ROBO2: variants seen among roughly 807,000 people sequenced by gnomAD.
ROBO2 encodes the protein roundabout guidance receptor 2.
A neutral mutation model predicts 160.8 loss-of-function variants in ROBO2; 53 were observed. The observed-to-expected ratio is 0.33, with a 90% CI of 0.26 to 0.41. The LOEUF is 0.41. Among genes scored for constraint, ROBO2 ranks in the 10% least tolerant of loss-of-function variants. The pLI is 1.00. For synonymous variants in ROBO2, 664 were observed against 611.7 expected, an observed-to-expected ratio of 1.09 and a Z score of -1.26; for missense variants, 1,577 against 1,722.4, an observed-to-expected ratio of 0.92 and a Z score of 1.49.
chr3:76,785,883 T>C (rs532011087), intron 2 of ROBO2, among the ~76,000 whole-genome samples: 1 of 151,446 alleles, frequency 6.6e-6, no homozygotes, highest in African/African-American at 2.4e-5. Flanking sequence ...CTGCTACAAT[T>C]GTTTCAAAAA....
chr3:76,061,564 G>GA (rs2068070543), intron 2 of ROBO2, among the ~76,000 whole-genome samples: 1 of 151,938 alleles, frequency 6.6e-6, no homozygotes, highest in South Asian at 2.1e-4. Context: ...TGAAATTTGT[G>GA]AAAAAAACAT....
At chr3:76,622,435 A>G (rs1473380476) in intron 2 of ROBO2, among the ~76,000 whole-genome samples, 2 of 152,140 alleles carry the variant, frequency 1.3e-5, no homozygotes, top group Non-Finnish European at 2.9e-5. Flanking sequence ...ACTGCCCTCC[A>G]GCTGGAGCAA....
At chr3:77,119,579 C>T (rs113259631) in intron 2 of ROBO2, among the ~76,000 whole-genome samples, 12 of 152,068 alleles carry the variant, frequency 7.9e-5, no homozygotes, top group Non-Finnish European at 1.3e-4. Flanking sequence ...TAAAGAAGCA[C>T]GGAAGTAAAA....
At chr3:76,696,163 A>G (rs905722549) in intron 2 of ROBO2, among the ~76,000 whole-genome samples, 1 of 152,128 alleles carries the variant, frequency 6.6e-6, no homozygotes, top group Non-Finnish European at 1.5e-5. Context: ...GAAAGTCGTA[A>G]CGAGTCTAGC....
intron 2 of ROBO2, among the ~76,000 whole-genome samples, chr3:76,665,957 T>G: frequency 7.1e-6 from 1 of 141,802 alleles, no homozygotes; most frequent in East Asian, 2.0e-4. Flanking sequence ...ATATATAATA[T>G]ATACATATAA....
intron 2 of ROBO2, among the ~76,000 whole-genome samples, chr3:77,382,100 A>G (rs929986261): frequency 6.6e-6 from 1 of 152,208 alleles, no homozygotes; most frequent in African/African-American, 2.4e-5. Context: ...CCAACAAAGG[A>G]ACACATGAAA....
chr3:76,654,372 C>T (rs1329035824), intron 2 of ROBO2, among the ~76,000 whole-genome samples: 1 of 152,084 alleles, frequency 6.6e-6, no homozygotes, highest in Non-Finnish European at 1.5e-5. Flanking sequence ...TGAAAAAAAC[C>T]TTCTGCATTT....
chr3:76,008,031 C>T (rs2066075071), intron 2 of ROBO2, among the ~76,000 whole-genome samples: 2 of 151,806 alleles, frequency 1.3e-5, no homozygotes, highest in South Asian at 4.1e-4. Context: ...GTCAGGAGTT[C>T]AAGACCAGCC....
chr3:76,843,662 A>G (rs1213705184), intron 2 of ROBO2, among the ~76,000 whole-genome samples: 1 of 152,054 alleles, frequency 6.6e-6, no homozygotes, highest in Non-Finnish European at 1.5e-5. Context: ...TGCTACTCAG[A>G]GTAGAATGGA....
intron 2 of ROBO2, among the ~76,000 whole-genome samples, chr3:76,493,337 T>TGA (rs2079939030): frequency 9.5e-6 from 1 of 104,830 alleles, no homozygotes; most frequent in South Asian, 3.0e-4. Context: ...AGACAAAAAA[T>TGA]TATATATATA....
At chr3:76,681,292 C>A (rs2092555622) in intron 2 of ROBO2, among the ~76,000 whole-genome samples, 1 of 152,068 alleles carries the variant, frequency 6.6e-6, no homozygotes, top group Non-Finnish European at 1.5e-5. Context: ...ATAATTTGAC[C>A]ATGTTGATGA....
intron 2 of ROBO2, among the ~76,000 whole-genome samples, chr3:76,118,413 C>T (rs760235409): frequency 1.3e-5 from 2 of 152,106 alleles, no homozygotes; most frequent in Non-Finnish European, 2.9e-5. Flanking sequence ...AAGCATTATC[C>T]TCATATTATT....
At chr3:77,410,684 CTCT>C (rs2076694589) in intron 2 of ROBO2, among the ~76,000 whole-genome samples, 4 of 136,864 alleles carry the variant, frequency 2.9e-5, no homozygotes, top group African/African-American at 5.6e-5. Flanking sequence ...CCTCCTCCTC[CTCT>C]TCCTCCTCCT....
chr3:77,073,860 AT>A (rs1445861042), intron 1 of ROBO2, among the ~76,000 whole-genome samples: 2 of 152,170 alleles, frequency 1.3e-5, no homozygotes, highest in Non-Finnish European at 2.9e-5. Flanking sequence ...TGAACGTGGA[AT>A]TATGCAGAGT....
intron 2 of ROBO2, among the ~76,000 whole-genome samples, chr3:77,422,318 T>A (rs2077786065): frequency 6.6e-6 from 1 of 152,198 alleles, no homozygotes; most frequent in South Asian, 2.1e-4. Flanking sequence ...CAGGGAATCT[T>A]GCTTAGAAAT....
At chr3:76,632,003 A>G (rs566913365) in intron 2 of ROBO2, among the ~76,000 whole-genome samples, 1 of 152,352 alleles carries the variant, frequency 6.6e-6, no homozygotes, top group South Asian at 2.1e-4. Context: ...ACTACTGAAT[A>G]AAAGTCTGTT....
intron 2 of ROBO2, among the ~76,000 whole-genome samples, chr3:77,266,944 C>G (rs991067179): frequency 6.6e-5 from 10 of 152,016 alleles, no homozygotes; most frequent in African/African-American, 2.4e-4. Context: ...TTCCATTATC[C>G]AATTACATAG....
chr3:77,115,622 C>T (rs558427803), intron 2 of ROBO2, among the ~76,000 whole-genome samples: 24 of 152,220 alleles, frequency 1.6e-4, no homozygotes, highest in Middle Eastern at 3.4e-3. Flanking sequence ...ATCATTACTC[C>T]GTGAACTAAC....
intron 2 of ROBO2, among the ~76,000 whole-genome samples, chr3:77,415,651 C>T (rs1268127104): frequency 6.6e-6 from 1 of 152,078 alleles, no homozygotes; most frequent in African/African-American, 2.4e-5. Context: ...GGGTAGGGCA[C>T]AGGTCTTTGC....
Sources: allele counts gnomAD v4.1 joint callset (sites outside exome capture counted in the v4.1 genomes callset), GRCh38; gene constraint gnomAD v4.1.1; transcripts MANE v1.5; gene names NCBI Gene and HGNC (gene_info 2026-07-23, HGNC 2026-07-21).